PSMD1: variants seen among roughly 807,000 people sequenced by gnomAD.
PSMD1 encodes the protein 26S proteasome non-ATPase regulatory subunit 1.
Under a neutral mutation model 119.0 loss-of-function variants are expected in PSMD1, and 18 were observed. The observed-to-expected ratio is 0.15, with a 90% CI of 0.10 to 0.22. The LOEUF is 0.22. Among genes scored for constraint, PSMD1 ranks in the 10% least tolerant of loss-of-function variants. The probability of loss-of-function intolerance (pLI) is 1.00; values close to 1 mark genes in which losing one functional copy is unlikely to be tolerated. For synonymous variants in PSMD1, 374 were observed against 396.6 expected (o/e 0.94, Z 0.68); for missense variants, 702 against 1,158.5 (o/e 0.61, Z 5.72).
intron 9 of PSMD1, among the ~76,000 whole-genome samples, chr2:231,077,785 T>C (rs1694203713): frequency 6.6e-6 from 1 of 152,054 alleles, no homozygotes; most frequent in South Asian, 2.1e-4. Flanking sequence ...CCAGTACCCC[T>C]TCGCAAAGTC....
At chr2:231,153,795 C>A (rs1574773564) in intron 19 of PSMD1, 129 bp downstream of exon 19, 1 of 648,582 alleles carries the variant, frequency 1.5e-6, no homozygotes, top group Non-Finnish European at 2.6e-6. Flanking sequence ...AATTTGGAGC[C>A]TGCAGTTCAC....
At chr2:231,143,151 A>G (rs952126364) in intron 17 of PSMD1, among the ~76,000 whole-genome samples, 1 of 149,594 alleles carries the variant, frequency 6.7e-6, no homozygotes, top group Non-Finnish European at 1.5e-5. Flanking sequence ...TTTTTTTTTT[A>G]ACTCTAATCT....
chr2:231,119,063 G>A (rs1318164797), intron 16 of PSMD1, among the ~76,000 whole-genome samples: 1 of 152,140 alleles, frequency 6.6e-6, no homozygotes, highest in Non-Finnish European at 1.5e-5. Context: ...GAGCATATGA[G>A]TTATCCTGGG....
At chr2:231,073,023 T>C (rs1049508949) in intron 7 of PSMD1, among the ~76,000 whole-genome samples, 1 of 152,096 alleles carries the variant, frequency 6.6e-6, no homozygotes, top group Non-Finnish European at 1.5e-5. Flanking sequence ...ACTTAAGCAC[T>C]CAGAGGCCAT....
chr2:231,151,387 T>G (rs1024694499), intron 18 of PSMD1, among the ~76,000 whole-genome samples: 1 of 152,174 alleles, frequency 6.6e-6, no homozygotes, highest in Non-Finnish European at 1.5e-5. Flanking sequence ...TATGTCCTAA[T>G]CTATCAAAAT....
chr2:231,078,817 T>TTTTTTTTTTTTGG, intron 10 of PSMD1, 70 bp downstream of exon 10: 1 of 990,828 alleles, frequency 1.0e-6, no homozygotes, highest in Non-Finnish European at 1.4e-6. Context: ...TTTTTTTTTG[T>TTTTTTTTTTTTGG]GCAGTCTTAC....
chr2:231,062,523 A>G lies in PSMD1; in HGVS notation c.152A>G (p.Asp51Gly). 1 of 1,598,104 alleles carries G rather than the reference A, an allele frequency of 6.3e-7. No homozygotes were observed. The highest frequency in any genetic ancestry group is 8.5e-7 in the Non-Finnish European group (1 of 1,174,498). ...SVDKIEVLYE[D>G]EGFRSRQFAA... The stretch of plus-strand genomic sequence containing the variant: ...TCTTTCAGAGAGGTTTTATACGAAG[A>G]TGAAGGTTTCCGGAGTCGGCAGTTT... The change falls in exon 4 of 25, where the codon GAT becomes GGT. Residue 51 changes from aspartate to glycine, a missense_variant. Around this residue, in one of 9 missense-constraint regions of PSMD1, gnomAD observed 60 missense variants for 118.2 expected, o/e 0.51. Transcript: ENST00000308696.
Position 231,161,444 on chromosome 2 carries a change from C to A in PSMD1, c.2323C>A (p.Leu775Ile). 6.2e-7 allele frequency: 1 copy of A among 1,614,090 alleles called. No individual in the cohort carries two copies. The highest frequency in any genetic ancestry group is 8.5e-7 in the Non-Finnish European group (1 of 1,180,004). ...TACCCAGTTTTGGTTCTGGTTTCCT[C>A]TTTCACACTTCCTGTCATTGGCTTA... ...VFTQFWFWFPLSHFLSLAYTP... is the reference protein window; with the variant it reads ...VFTQFWFWFPISHFLSLAYTP... Residue 775 changes from leucine (L) to isoleucine (I), a missense_variant, in exon 20 of 25, where the codon CTT (leucine) becomes ATT (isoleucine). Physicochemically the swap from Leu to Ile is conservative, Grantham distance 5 (BLOSUM62 2). This residue lies in a region of PSMD1 where 152 missense variants were observed against 239.3 expected (regional missense o/e 0.64). Coordinates refer to ENST00000308696, the MANE Select transcript of PSMD1 (RefSeq NM_002807.4).
intron 16 of PSMD1, among the ~76,000 whole-genome samples, chr2:231,090,399 A>T (rs1694562106): frequency 6.6e-6 from 1 of 152,106 alleles, no homozygotes; most frequent in African/African-American, 2.4e-5. Flanking sequence ...TCTCTACTAA[A>T]AATACAAAAA....
In PSMD1 at chr2:231,072,412, A is replaced by G; in HGVS notation, c.878A>G (p.Asp293Gly). The G allele has an allele frequency of 6.2e-7, 1 of 1,603,510 alleles. No individual in the cohort carries two copies. The change falls in exon 7 of 25, where the codon GAC (aspartate) becomes GGC (glycine). Residue 293 changes from aspartate (D) to glycine (G), a missense_variant. By Grantham distance (94) the Asp-to-Gly change is moderately conservative. Coordinates refer to ENST00000308696, the MANE Select transcript of PSMD1 (RefSeq NM_002807.4). ...GGTACTGTTCCGGGATCAGAGAAAG[A>G]CAGGTATAAGTACCTTTTTCTGCAT... ...NTGTVPGSEK[D>G]SDSMETEEKT... is the part of the protein sequence containing the mutation.
intron 16 of PSMD1, among the ~76,000 whole-genome samples, chr2:231,115,478 G>A (rs570819136): frequency 6.6e-6 from 1 of 152,078 alleles, no homozygotes; most frequent in Non-Finnish European, 1.5e-5. Context: ...ATAAATGATT[G>A]GGACTTAGTT....
intron 16 of PSMD1, among the ~76,000 whole-genome samples, chr2:231,122,277 A>G (rs767064769): frequency 2.6e-5 from 4 of 152,120 alleles, no homozygotes; most frequent in African/African-American, 9.6e-5. Context: ...TAAACCTGTT[A>G]CTATCTGATA....
chr2:231,064,203 T>C (rs1693837746), intron 4 of PSMD1, among the ~76,000 whole-genome samples: 1 of 152,222 alleles, frequency 6.6e-6, no homozygotes, highest in East Asian at 1.9e-4. Context: ...CCTCTAGTTT[T>C]GTAGGGCACA....
At chr2:231,128,770 G>T (rs1193051814) in intron 16 of PSMD1, among the ~76,000 whole-genome samples, 1 of 152,172 alleles carries the variant, frequency 6.6e-6, no homozygotes, top group East Asian at 1.9e-4. Context: ...AGGAGTGGGG[G>T]TGTGGTAGGC....
chr2:231,108,627 T>C (rs753079218), intron 16 of PSMD1: 16 of 1,613,976 alleles, frequency 9.9e-6, no homozygotes, highest in East Asian at 2.2e-5. Flanking sequence ...CGGAGCCTCA[T>C]TGGACTCTGG....
At chr2:231,068,225 A>G (rs566151562) in intron 5 of PSMD1, among the ~76,000 whole-genome samples, 20 of 152,272 alleles carry the variant, frequency 1.3e-4, no homozygotes, top group Admixed American at 3.9e-4. Context: ...CTTTTTCACC[A>G]CTGTATCCCC....
chr2:231,086,066 G>C (rs1694424888), intron 15 of PSMD1, among the ~76,000 whole-genome samples: 1 of 151,458 alleles, frequency 6.6e-6, no homozygotes, highest in South Asian at 2.1e-4. Context: ...TTTGAGACAG[G>C]GTTTCGCTCT....
chr2:231,109,139 C>T (rs758816672), intron 16 of PSMD1: 2 of 1,614,110 alleles, frequency 1.2e-6, no homozygotes, highest in East Asian at 4.5e-5. Context: ...CGGTGACGAG[C>T]AAGGTGTTTC....
chr2:231,163,779 T>C (rs768400781), intron 21 of PSMD1, 52 bp downstream of exon 21: 2 of 1,323,310 alleles, frequency 1.5e-6, no homozygotes, highest in African/African-American at 1.5e-5. Flanking sequence ...TAGGAGCCAC[T>C]GAGTATTTTA....
Sources: gnomAD v4.1 joint callset for allele counts (sites outside exome capture counted in the v4.1 genomes callset) on GRCh38, gnomAD v4.1.1 for gene constraint, gnomAD v4.1.1 regional missense constraint, MANE v1.5 for transcripts, NCBI Gene and HGNC (gene_info 2026-07-23, HGNC 2026-07-21) for gene names.